LGR4: variants seen among roughly 807,000 people sequenced by gnomAD.
LGR4 encodes leucine rich repeat containing G protein-coupled receptor 4.
LGR4 carries 44 observed loss-of-function variants against 84.8 expected under a neutral mutation model. The ratio of observed to expected loss-of-function variants is 0.52; its 90% CI spans 0.41 to 0.67. LGR4 has a LOEUF of 0.67. Ranked by LOEUF, LGR4 falls within the 30% of genes least tolerant of loss-of-function variation. The pLI is 0.00. For synonymous variants in LGR4, 429 were observed against 434.3 expected (o/e 0.99, Z 0.15); for missense variants, 1,032 against 1,131.4 (o/e 0.91, Z 1.26).
At chr11:27,464,535 G>A (rs189503298) in intron 1 of LGR4, among the ~76,000 whole-genome samples, 2 of 152,292 alleles carry the variant, frequency 1.3e-5, no homozygotes, top group East Asian at 3.9e-4. Flanking sequence ...GAGTTTCGAT[G>A]TCACCACTTG....
chr11:27,389,970 C>G (rs1863252520), intron 4 of LGR4, among the ~76,000 whole-genome samples: 1 of 152,128 alleles, frequency 6.6e-6, no homozygotes, highest in African/African-American at 2.4e-5. Context: ...ATTAAACTTT[C>G]ATTTCAACTA....
intron 1 of LGR4, among the ~76,000 whole-genome samples, chr11:27,444,833 C>T (rs926009906): frequency 2.0e-5 from 3 of 152,074 alleles, no homozygotes; most frequent in African/African-American, 7.2e-5. Context: ...TTTGTTCTTC[C>T]CTCCCCCTCT....
chr11:27,449,122 G>A (rs1195768416), intron 1 of LGR4, among the ~76,000 whole-genome samples: 1 of 152,114 alleles, frequency 6.6e-6, no homozygotes, highest in Non-Finnish European at 1.5e-5. Context: ...AAGAGAACAT[G>A]CTGCCCATCA....
At chr11:27,429,926 C>T (rs548593113) in intron 1 of LGR4, among the ~76,000 whole-genome samples, 134 of 152,230 alleles carry the variant, frequency 8.8e-4, no homozygotes, top group Non-Finnish European at 1.1e-3. Context: ...CCCCCTGCAG[C>T]CCTGCAGGGC....
intron 2 of LGR4, among the ~76,000 whole-genome samples, chr11:27,405,458 C>A (rs988603971): frequency 6.6e-6 from 1 of 152,110 alleles, no homozygotes; most frequent in African/African-American, 2.4e-5. Flanking sequence ...TAAAAGACTC[C>A]TAAATCTATA....
intron 3 of LGR4, 68 bp from the exon 4 acceptor site, chr11:27,391,233 GCC>G: frequency 1.8e-6 from 1 of 564,830 alleles, no homozygotes; most frequent in Non-Finnish European, 2.8e-6. Flanking sequence ...AAAATTCAGA[GCC>G]TTTTTTTTTT....
intron 1 of LGR4, among the ~76,000 whole-genome samples, chr11:27,437,310 T>A (rs1333394443): frequency 1.3e-5 from 2 of 152,166 alleles, no homozygotes; most frequent in Non-Finnish European, 2.9e-5. Context: ...TTTTTTTTTA[T>A]AAATTGCTGT....
At chr11:27,382,056 T>C in intron 7 of LGR4, 132 bp downstream of exon 7, 2 of 637,036 alleles carry the variant, frequency 3.1e-6, no homozygotes, top group South Asian at 4.2e-5. Context: ...AACTTTATGA[T>C]TATTTGTGTG....
At chr11:27,452,459 A>G (rs1237483799) in intron 1 of LGR4, among the ~76,000 whole-genome samples, 5 of 152,064 alleles carry the variant, frequency 3.3e-5, no homozygotes, top group Non-Finnish European at 5.9e-5. Flanking sequence ...CACTACAATC[A>G]TGGTAAGGAA....
In LGR4 at chr11:27,368,766, T is replaced by C; in HGVS notation, c.1957A>G (p.Asn653Asp). ...TGTTTGAGATGATTGCTCTTCCCAT[T>C]TTTCATTATATCTTTTGCAGATAAG... ...RSLSAKDIMK[N>D]GKSNHLKQFR... Residue 653 changes from asparagine to aspartate, a missense_variant, in exon 18 of 18, where the codon AAT becomes GAT. Physicochemically the swap from Asn to Asp is conservative, Grantham distance 23 (BLOSUM62 1). Transcript: ENST00000379214. 6.2e-7 allele frequency: 1 copy of C among 1,613,982 alleles called. No individual in the cohort carries two copies.
Position 27,438,665 on chromosome 11 carries a change from A to G in LGR4, c.186-25805T>C, listed in dbSNP as rs59935041. On this transcript the variant is annotated intron_variant, in intron 1 of 17. Transcript: ENST00000379214. ...CCTTAATATGGGTGGGCCTCATCCA[A>G]TCTGTTGAAGGTTAGAAAACAATTA... Among the ~76,000 whole-genome samples the G allele has an allele frequency of 4.4e-3, 668 of 152,306 alleles. 7 individuals carry two copies. Among genetic ancestry groups the G allele is most frequent in the African/African-American group, 0.015 (635 of 41,554 alleles).
intron 1 of LGR4, among the ~76,000 whole-genome samples, chr11:27,415,259 G>C (rs1013339343): frequency 5.3e-5 from 8 of 152,096 alleles, no homozygotes; most frequent in African/African-American, 1.9e-4. Flanking sequence ...ACAAAATGAG[G>C]CATTCTGTAC....
intron 2 of LGR4, among the ~76,000 whole-genome samples, chr11:27,396,063 G>C (rs1340432376): frequency 2.0e-5 from 3 of 152,118 alleles, no homozygotes. Context: ...ATCATCTCAA[G>C]ACAACTGCCC....
intron 1 of LGR4, among the ~76,000 whole-genome samples, chr11:27,439,901 CTTTTTTT>C (rs1164372130): frequency 1.3e-4 from 13 of 100,726 alleles, no homozygotes; most frequent in Non-Finnish European, 1.8e-4. Context: ...TAGGATTTCT[CTTTTTTT>C]TTTTTTTTTT....
At chr11:27,382,361 G>A in intron 6 of LGR4, 105 bp from the exon 7 acceptor site, 2 of 693,702 alleles carry the variant, frequency 2.9e-6, no homozygotes, top group South Asian at 1.9e-5. Flanking sequence ...TCCTCTGTAT[G>A]GTAATCTTTC....
chr11:27,431,372 G>A (rs1050651854), intron 1 of LGR4, among the ~76,000 whole-genome samples: 7 of 152,118 alleles, frequency 4.6e-5, no homozygotes, highest in Non-Finnish European at 7.4e-5. Flanking sequence ...CCCCTTATGC[G>A]TTCATGGTCT....
chr11:27,451,692 A>G (rs1363839127), intron 1 of LGR4, among the ~76,000 whole-genome samples: 1 of 152,204 alleles, frequency 6.6e-6, no homozygotes, highest in African/African-American at 2.4e-5. Context: ...GTGTGCTTTT[A>G]GTGGGAGGCA....
chr11:27,439,901 C>CTTTTTTTTTTTTTTTTTTTTTTTTT (rs1164372130), intron 1 of LGR4, among the ~76,000 whole-genome samples: 1 of 100,726 alleles, frequency 9.9e-6, no homozygotes. Context: ...TAGGATTTCT[C>CTTTTTTTTTTTTTTTTTTTTTTTTT]TTTTTTTTTT....
At chr11:27,440,248 G>A (rs1864283545) in intron 1 of LGR4, among the ~76,000 whole-genome samples, 1 of 152,046 alleles carries the variant, frequency 6.6e-6, no homozygotes, top group South Asian at 2.1e-4. Context: ...ACAGTGGAGG[G>A]GTGTGGAGAG....
Sources: gnomAD v4.1 joint callset for allele counts (sites outside exome capture counted in the v4.1 genomes callset) on GRCh38, gnomAD v4.1.1 for gene constraint, MANE v1.5 for transcripts, NCBI Gene and HGNC (gene_info 2026-07-23, HGNC 2026-07-21) for gene names.